Variants in RPH3A observed in about 807,000 individuals in gnomAD.
RPH3A encodes rabphilin 3A.
In RPH3A, 48 loss-of-function variants were observed where a neutral mutation model predicts 102.2. The observed-to-expected ratio is 0.47, with a 90% confidence interval of 0.37 to 0.60. RPH3A has a LOEUF of 0.60. RPH3A is among the 20% of genes least tolerant of loss of function. RPH3A has a pLI of 0.00. For synonymous variants in RPH3A, 310 were observed against 324.3 expected, an observed-to-expected ratio of 0.96 and a Z score of 0.47; for missense variants, 781 against 910.1, an observed-to-expected ratio of 0.86 and a Z score of 1.83.
chr12:112,692,051 T>A (rs1022285092), intron 1 of RPH3A, among the ~76,000 whole-genome samples: 3 of 152,228 alleles, frequency 2.0e-5, no homozygotes, highest in Admixed American at 1.3e-4. Context: ...GAGGGTACTA[T>A]GTTAAGTGAA....
chr12:112,576,193 A>C (rs1161196592), intron 1 of RPH3A, among the ~76,000 whole-genome samples: 1 of 152,216 alleles, frequency 6.6e-6, no homozygotes, highest in African/African-American at 2.4e-5. Context: ...TCAAGTCAGG[A>C]TGGGACTCCA....
intron 1 of RPH3A, among the ~76,000 whole-genome samples, chr12:112,642,106 A>G (rs1488833149): frequency 6.6e-6 from 1 of 152,188 alleles, no homozygotes; most frequent in East Asian, 1.9e-4. Context: ...ACAAGACAGC[A>G]TTGTTCTCAA....
At chr12:112,799,037 C>T (rs2041289952) in intron 2 of RPH3A, among the ~76,000 whole-genome samples, 1 of 152,176 alleles carries the variant, frequency 6.6e-6, no homozygotes, top group South Asian at 2.1e-4. Flanking sequence ...GGTCACCAAC[C>T]ATTCAGCTTT....
At chr12:112,747,197 C>T (rs774573062) in intron 1 of RPH3A, among the ~76,000 whole-genome samples, 2 of 152,156 alleles carry the variant, frequency 1.3e-5, no homozygotes, top group South Asian at 2.1e-4. Flanking sequence ...TTCTAACCTT[C>T]AAGGTTATGG....
intron 12 of RPH3A, 21 bp from the exon 13 acceptor site, chr12:112,876,621 C>T (rs776649526): frequency 1.5e-5 from 23 of 1,543,954 alleles, no homozygotes; most frequent in East Asian, 2.3e-5. Flanking sequence ...CTGCATGTTT[C>T]CTGTCCTTAT....
intron 16 of RPH3A, among the ~76,000 whole-genome samples, chr12:112,886,881 G>C (rs574806557): frequency 2.6e-5 from 4 of 152,314 alleles, no homozygotes; most frequent in South Asian, 4.1e-4. Flanking sequence ...AAAAGAGGAT[G>C]CTCAAATGGC....
chr12:112,774,798 GAGCAGTAGGAAAAAT>G (rs1193397923), intron 1 of RPH3A, among the ~76,000 whole-genome samples: 8 of 152,060 alleles, frequency 5.3e-5, no homozygotes, highest in South Asian at 2.1e-4. Context: ...AGGGGGCGGA[GAGCAGTAGGAAAAAT>G]AGCAGTAGGA....
At chr12:112,671,773 T>C (rs967271689) in intron 1 of RPH3A, among the ~76,000 whole-genome samples, 1 of 151,420 alleles carries the variant, frequency 6.6e-6, no homozygotes, top group Admixed American at 6.6e-5. Context: ...TAGCAGAGAG[T>C]ACATGAGTAG....
chr12:112,783,113 G>T lies in RPH3A; in HGVS notation c.-139-9030G>T, dbSNP rs542380020. 2.0e-5 allele frequency among the ~76,000 whole-genome samples: 3 copies of T among 152,204 alleles called. No individual in the cohort carries two copies. In the South Asian group the frequency reaches 6.2e-4, roughly 32 times the overall value. On this transcript the variant is annotated intron_variant, in intron 1 of 21. Coordinates refer to the RPH3A transcript ENST00000543106. The stretch of plus-strand genomic sequence containing the variant: ...CACTTGTCACTGCCTTCCCTGCTTG[G>T]CCAAGTGGGAATCGTGGGGTGAGCT...
chr12:112,716,330 G>T (rs2040513156), intron 1 of RPH3A, among the ~76,000 whole-genome samples: 1 of 152,118 alleles, frequency 6.6e-6, no homozygotes, highest in African/African-American at 2.4e-5. Context: ...TCTGACGATG[G>T]GGTACTCACT....
intron 1 of RPH3A, among the ~76,000 whole-genome samples, chr12:112,715,584 G>A (rs1275488226): frequency 6.6e-6 from 1 of 152,146 alleles, no homozygotes; most frequent in Admixed American, 6.5e-5. Context: ...ATTATGTGAA[G>A]ACTTTAATTT....
chr12:112,743,864 T>C (rs1302750392), intron 1 of RPH3A, among the ~76,000 whole-genome samples: 1 of 152,172 alleles, frequency 6.6e-6, no homozygotes, highest in Non-Finnish European at 1.5e-5. Context: ...TGGGGTGATG[T>C]GGGCAAGATT....
At chr12:112,721,334 G>A (rs2136042462) in intron 1 of RPH3A, among the ~76,000 whole-genome samples, 1 of 152,252 alleles carries the variant, frequency 6.6e-6, no homozygotes, top group African/African-American at 2.4e-5. Flanking sequence ...CCTAGCTTAG[G>A]TCACAAGAAA....
intron 1 of RPH3A, among the ~76,000 whole-genome samples, chr12:112,652,636 TCTC>T (rs928581326): frequency 2.6e-5 from 4 of 152,192 alleles, no homozygotes; most frequent in African/African-American, 9.6e-5. Flanking sequence ...CACAGTTTAT[TCTC>T]CTCCTCCTTT....
At chr12:112,620,295 A>G (rs1592910821) in intron 1 of RPH3A, among the ~76,000 whole-genome samples, 1 of 152,200 alleles carries the variant, frequency 6.6e-6, no homozygotes, top group African/African-American at 2.4e-5. Flanking sequence ...CACATGGTCC[A>G]AGTAGGGATG....
intron 1 of RPH3A, among the ~76,000 whole-genome samples, chr12:112,743,032 A>C (rs954123787): frequency 6.6e-6 from 1 of 152,042 alleles, no homozygotes; most frequent in Non-Finnish European, 1.5e-5. Context: ...CCCGTGTCCT[A>C]CTTCCTCTTC....
intron 1 of RPH3A, among the ~76,000 whole-genome samples, chr12:112,589,848 TG>T (rs1421301531): frequency 6.6e-6 from 1 of 152,120 alleles, no homozygotes; most frequent in African/African-American, 2.4e-5. Context: ...TTTGAGAAGC[TG>T]AGGTGGGCGG....
At chr12:112,767,414 C>A (rs2040898050) in intron 1 of RPH3A, among the ~76,000 whole-genome samples, 1 of 152,200 alleles carries the variant, frequency 6.6e-6, no homozygotes, top group South Asian at 2.1e-4. Flanking sequence ...GCCAGGGAAG[C>A]AAGTGGATGC....
chr12:112,801,103 G>A (rs115528925), intron 2 of RPH3A, among the ~76,000 whole-genome samples: 2,164 of 152,278 alleles, frequency 0.014, 58 homozygotes, highest in African/African-American at 0.05. Flanking sequence ...GTCTGGCCAA[G>A]CCTTTCTCCA....
Sources: allele counts gnomAD v4.1 joint callset (sites outside exome capture counted in the v4.1 genomes callset), GRCh38; gene constraint gnomAD v4.1.1; transcripts MANE v1.5; gene names NCBI Gene and HGNC (gene_info 2026-07-23, HGNC 2026-07-21).